The following CDH9 variants were observed in gnomAD, a reference collection of about 807,000 sequenced individuals.
CDH9 encodes cadherin-9.
Under a neutral mutation model 70.9 loss-of-function variants are expected in CDH9, and 28 were observed. The ratio of observed to expected loss-of-function variants is 0.40; its 90% CI spans 0.29 to 0.54. The LOEUF (loss-of-function observed/expected upper bound fraction) is 0.54. Ranked by LOEUF, CDH9 falls within the 20% of genes least tolerant of loss-of-function variation. The pLI, the probability that CDH9 is intolerant of heterozygous loss-of-function variation, is 0.59. For missense variants in CDH9, 874 were observed against 984.4 expected (o/e 0.89, Z 1.50); for synonymous variants, 409 against 343.1 (o/e 1.19, Z -2.12).
rs1554001716 is a variant in CDH9 at position 26,977,487 on chromosome 5, A to ATATATATATATATATATATATATATATG, written c.228+10618_228+10619insCATATATATATATATATATATATATATA. ...TATATGTGTGCGTGTGTGTGTGTGTATATATATATATATATATATATGGCA... is the reference window on the plus strand; with the variant it reads ...TATATGTGTGCGTGTGTGTGTGTGTATATATATATATATATATATATATATATGTATATATATATATATATATATGGCA... On this transcript the variant is annotated intron_variant, in intron 2 of 11. Transcript: ENST00000231021. Among the ~76,000 whole-genome samples, 22 of 102,788 alleles carry ATATATATATATATATATATATATATATG rather than the reference A, an allele frequency of 2.1e-4. 1 individual carries two copies. Among genetic ancestry groups the ATATATATATATATATATATATATATATG allele is most frequent in the African/African-American group, 1.5e-3 (22 of 14,242 alleles). The allele number at this position is 102,788 out of a possible 152,430, so 67.4% of individuals were successfully genotyped here.
chr5:27,025,957 T>G (rs1743214019), intron 1 of CDH9, among the ~76,000 whole-genome samples: 1 of 152,030 alleles, frequency 6.6e-6, no homozygotes, highest in Non-Finnish European at 1.5e-5. Context: ...CTGCCTTAGC[T>G]TCAGTGAGTC....
At chr5:26,925,400 G>C (rs1393127028) in intron 2 of CDH9, among the ~76,000 whole-genome samples, 1 of 152,030 alleles carries the variant, frequency 6.6e-6, no homozygotes, top group African/African-American at 2.4e-5. Flanking sequence ...GGGGTTGTTT[G>C]TTTTATTCTT....
At chr5:26,890,144 T>C (rs1414696181) in intron 8 of CDH9, among the ~76,000 whole-genome samples, 187 bp from the exon 9 acceptor site, 1 of 152,180 alleles carries the variant, frequency 6.6e-6, no homozygotes, top group Admixed American at 6.6e-5. Flanking sequence ...GAAAACATAA[T>C]TGAGAATGAA....
In CDH9 at chr5:26,986,374, G is replaced by A. The variant is rs142965860; in HGVS notation, c.228+1732C>T. On this transcript the variant is annotated intron_variant, in intron 2 of 11. Transcript: ENST00000231021. ...ATGAAAGGTAATTAAAGCTATGCAT[G>A]TACATTTAGTAATTGTTTATGACAG... is the stretch of plus-strand genomic sequence containing the variant. 3.0e-4 allele frequency among the ~76,000 whole-genome samples: 45 copies of A among 152,148 alleles called. 1 individual carries two copies. In the East Asian group the frequency reaches 8.3e-3, roughly 28 times the overall value.
At chr5:26,959,057 G>A (rs1235115646) in intron 2 of CDH9, among the ~76,000 whole-genome samples, 1 of 151,966 alleles carries the variant, frequency 6.6e-6, no homozygotes, top group East Asian at 1.9e-4. Flanking sequence ...CTACCAAAAA[G>A]ATAAATAGAT....
At chr5:26,974,630 G>C (rs1742274456) in intron 2 of CDH9, among the ~76,000 whole-genome samples, 1 of 152,042 alleles carries the variant, frequency 6.6e-6, no homozygotes, top group Admixed American at 6.6e-5. Context: ...AAATACAAAA[G>C]ACAAAACAGT....
At chr5:27,031,099 C>T (rs1743303535) in intron 1 of CDH9, among the ~76,000 whole-genome samples, 1 of 151,460 alleles carries the variant, frequency 6.6e-6, no homozygotes, top group African/African-American at 2.4e-5. Context: ...TCATACAAGG[C>T]TGCTTAACAT....
chr5:26,959,848 AT>A (rs1482251790), intron 2 of CDH9, among the ~76,000 whole-genome samples: 2 of 152,040 alleles, frequency 1.3e-5, no homozygotes, highest in African/African-American at 4.8e-5. Flanking sequence ...CAGATTAGTG[AT>A]TGTCAGTGTT....
chr5:26,905,198 A>T (rs1424770945), intron 5 of CDH9, among the ~76,000 whole-genome samples: 1 of 152,112 alleles, frequency 6.6e-6, no homozygotes, highest in Non-Finnish European at 1.5e-5. Context: ...ATATTTATTC[A>T]CTGCAAAATA....
chr5:26,949,044 G>A (rs1002119749), intron 2 of CDH9, among the ~76,000 whole-genome samples: 1 of 152,092 alleles, frequency 6.6e-6, no homozygotes, highest in African/African-American at 2.4e-5. Context: ...CTTAAAGAAT[G>A]TCTTATACCT....
intron 2 of CDH9, among the ~76,000 whole-genome samples, chr5:26,950,989 G>C (rs572392518): frequency 2.2e-4 from 34 of 152,112 alleles, no homozygotes; most frequent in African/African-American, 7.9e-4. Context: ...TGCATTGCTG[G>C]GGAGACACTC....
At chr5:26,927,421 C>T (rs1032947702) in intron 2 of CDH9, among the ~76,000 whole-genome samples, 3 of 151,950 alleles carry the variant, frequency 2.0e-5, no homozygotes, top group African/African-American at 4.8e-5. Flanking sequence ...ACATAAATGG[C>T]ATCCAATGCG....
chr5:26,966,911 A>G (rs1184812062), intron 2 of CDH9, among the ~76,000 whole-genome samples: 2 of 151,880 alleles, frequency 1.3e-5, no homozygotes, highest in Non-Finnish European at 2.9e-5. Context: ...TCTCTGCTTT[A>G]AAAAATGTTT....
chr5:27,037,561 G>T (rs1180247573), intron 1 of CDH9, among the ~76,000 whole-genome samples: 2 of 151,894 alleles, frequency 1.3e-5, no homozygotes, highest in Non-Finnish European at 2.9e-5. Context: ...TGACCTTATA[G>T]CTAAAATCCA....
chr5:26,969,871 T>TAA (rs11386815), intron 2 of CDH9, among the ~76,000 whole-genome samples: 3 of 150,186 alleles, frequency 2.0e-5, no homozygotes, highest in African/African-American at 4.9e-5. Flanking sequence ...ACTGGCTGGT[T>TAA]AAAAAATGTG....
intron 2 of CDH9, among the ~76,000 whole-genome samples, chr5:26,921,419 AGAAT>A (rs1741241494): frequency 3.3e-5 from 5 of 152,186 alleles, no homozygotes; most frequent in Admixed American, 3.3e-4. Flanking sequence ...GCCATTGGGT[AGAAT>A]TTGTATCCAA....
chr5:26,901,042 C>T (rs1211144693), intron 7 of CDH9, among the ~76,000 whole-genome samples: 1 of 151,952 alleles, frequency 6.6e-6, no homozygotes. Flanking sequence ...TGGATATGAA[C>T]ACGCTAGTGC....
intron 2 of CDH9, among the ~76,000 whole-genome samples, chr5:26,938,651 C>T (rs1741604482): frequency 6.6e-6 from 1 of 152,048 alleles, no homozygotes; most frequent in African/African-American, 2.4e-5. Flanking sequence ...TGTCAATGCT[C>T]TCTTCAAATA....
chr5:26,927,958 T>G (rs10057565), intron 2 of CDH9, among the ~76,000 whole-genome samples: 1 of 152,098 alleles, frequency 6.6e-6, no homozygotes, highest in Non-Finnish European at 1.5e-5. Flanking sequence ...TGTCATCGCC[T>G]TATGGCAGGA....
Sources: allele counts gnomAD v4.1 joint callset (sites outside exome capture counted in the v4.1 genomes callset), GRCh38; gene constraint gnomAD v4.1.1; transcripts MANE v1.5; gene names NCBI Gene and HGNC (gene_info 2026-07-23, HGNC 2026-07-21).